Variants in GIGYF2 observed in about 807,000 individuals in gnomAD.
The protein encoded by GIGYF2 is GRB10-interacting GYF protein 2.
In GIGYF2, 25 loss-of-function variants were observed where a neutral mutation model predicts 208.1. That is an observed-to-expected ratio of 0.12 (90% CI 0.09 to 0.17). The LOEUF (loss-of-function observed/expected upper bound fraction) is 0.17. Ranked by LOEUF, GIGYF2 falls within the 10% of genes least tolerant of loss-of-function variation. The pLI is 1.00. For missense variants in GIGYF2, 1,302 were observed against 1,579.4 expected (o/e 0.82, Z 2.98); for synonymous variants, 534 against 543.8 (o/e 0.98, Z 0.25).
At chr2:232,740,401 G>A (rs1316821095) in intron 3 of GIGYF2, among the ~76,000 whole-genome samples, 2 of 152,204 alleles carry the variant, frequency 1.3e-5, no homozygotes, top group East Asian at 1.9e-4. Flanking sequence ...AGCCAAGAAA[G>A]CTCCTTTGGG....
intron 14 of GIGYF2, among the ~76,000 whole-genome samples, chr2:232,804,110 T>G (rs1044266131): frequency 6.6e-6 from 1 of 151,954 alleles, no homozygotes; most frequent in Admixed American, 6.6e-5. Flanking sequence ...TTAAAAAAAT[T>G]TTTTTTTAGC....
chr2:232,816,358 G>A (rs927106335), intron 19 of GIGYF2, among the ~76,000 whole-genome samples: 5 of 152,180 alleles, frequency 3.3e-5, no homozygotes, highest in Non-Finnish European at 7.3e-5. Context: ...CCCTGAGGTC[G>A]TGACAGTCTC....
Position 232,815,756 on chromosome 2 carries a change from T to G in GIGYF2, c.2208+19T>G. ...TGCAAAGGTCTGAAACTCATTCTTC[T>G]GCAACAGTGCATTGTCATCTGGCTG... On this transcript the variant is annotated intron_variant, in intron 19 of 28. Coordinates refer to ENST00000373563, the MANE Select transcript of GIGYF2 (RefSeq NM_001103146.3). 8.4e-7 allele frequency: 1 copy of G among 1,193,250 alleles called. No individual in the cohort carries two copies. The highest frequency in any genetic ancestry group is 1.3e-6 in the Non-Finnish European group (1 of 795,738). The allele number at this position is 1,193,250 out of a possible 1,614,324, so 73.9% of individuals were successfully genotyped here.
intron 21 of GIGYF2, among the ~76,000 whole-genome samples, chr2:232,823,944 C>G (rs1294431764): frequency 1.3e-5 from 2 of 152,152 alleles, no homozygotes; most frequent in African/African-American, 4.8e-5. Flanking sequence ...GTAATTCTTG[C>G]AATGTTTCAG....
chr2:232,793,892 A>T (rs1700143685), intron 12 of GIGYF2, among the ~76,000 whole-genome samples: 1 of 152,192 alleles, frequency 6.6e-6, no homozygotes, highest in Non-Finnish European at 1.5e-5. Flanking sequence ...GACTAGGAAA[A>T]GTCATTGTAT....
At chr2:232,834,685 C>T (rs1416726798) in intron 22 of GIGYF2, among the ~76,000 whole-genome samples, 1 of 152,164 alleles carries the variant, frequency 6.6e-6, no homozygotes, top group African/African-American at 2.4e-5. Context: ...TATGTTGATG[C>T]ACTTCATGCA....
At chr2:232,742,538 G>A (rs1698008788) in intron 3 of GIGYF2, among the ~76,000 whole-genome samples, 1 of 152,118 alleles carries the variant, frequency 6.6e-6, no homozygotes, top group Non-Finnish European at 1.5e-5. Flanking sequence ...GTAACAGAGT[G>A]AGCCTCTGTC....
At chr2:232,704,952 C>T (rs918945218) in intron 2 of GIGYF2, among the ~76,000 whole-genome samples, 14 of 150,196 alleles carry the variant, frequency 9.3e-5, no homozygotes, top group Admixed American at 2.7e-4. Flanking sequence ...CTCCGCCTCC[C>T]GGGTTCACGC....
At chr2:232,807,976 G>A (rs1700611432) in intron 15 of GIGYF2, among the ~76,000 whole-genome samples, 1 of 152,250 alleles carries the variant, frequency 6.6e-6, no homozygotes, top group African/African-American at 2.4e-5. Flanking sequence ...TAGGTTCTTA[G>A]GAGATGAAGA....
chr2:232,788,734 T>A (rs543694479), intron 9 of GIGYF2: 49 of 279,664 alleles, frequency 1.8e-4, no homozygotes, highest in African/African-American at 9.8e-4. Context: ...TTCTGAATCT[T>A]TCTTTCCCCC....
At position 232,860,306 on chromosome 2, in the gene GIGYF2, T is replaced by A. The variant is rs1417695439; in HGVS notation, c.*3446T>A. 6.6e-6 allele frequency: 1 copy of A among 151,918 alleles called. No individual in the cohort carries two copies. 9.4% of individuals were successfully genotyped at this position (151,918 alleles called of 1,614,324 possible). On this transcript the variant is annotated 3_prime_UTR_variant, in exon 29 of 29. Coordinates refer to ENST00000373563, the MANE Select transcript of GIGYF2 (RefSeq NM_001103146.3). ...GCCAGTGCACCCAGCTTGTTTTTTTTAAATTTTAGGATAGATAATGGTACT... is the reference window on the plus strand; with the variant it reads ...GCCAGTGCACCCAGCTTGTTTTTTTAAAATTTTAGGATAGATAATGGTACT...
intron 12 of GIGYF2, 35 bp from the exon 13 acceptor site, chr2:232,794,713 T>G: frequency 6.5e-7 from 1 of 1,543,716 alleles, no homozygotes; most frequent in South Asian, 1.1e-5. Flanking sequence ...AGTCTCTGTA[T>G]TTCAAAGGAT....
In GIGYF2 at chr2:232,772,647, C is replaced by T. The variant is rs78614281; in HGVS notation, c.532+11211C>T. ...TCTTAAGACTTTAGTGTAGCAGTTA[C>T]TAGGAACAGAACAGGAAATGCAGCT... On this transcript the variant is annotated intron_variant, in intron 8 of 28. Transcript: ENST00000373563. Among the ~76,000 whole-genome samples the T allele has an allele frequency of 6.2e-3, 947 of 152,268 alleles. 15 individuals carry two copies. The highest frequency in any genetic ancestry group is 0.021 in the African/African-American group (891 of 41,544).
intron 22 of GIGYF2, among the ~76,000 whole-genome samples, chr2:232,834,575 AT>A (rs1350391957): frequency 6.6e-6 from 1 of 152,120 alleles, no homozygotes; most frequent in African/African-American, 2.4e-5. Flanking sequence ...GGATGTATAG[AT>A]TAATGTTTTT....
intron 2 of GIGYF2, among the ~76,000 whole-genome samples, chr2:232,720,519 G>C (rs867998854): frequency 2.0e-5 from 3 of 151,778 alleles, no homozygotes; most frequent in Non-Finnish European, 2.9e-5. Context: ...CTGCCACACT[G>C]TCTTCCACAA....
intron 21 of GIGYF2, among the ~76,000 whole-genome samples, chr2:232,823,351 TTTCC>T (rs1701152956): frequency 1.4e-5 from 2 of 142,964 alleles, no homozygotes. Context: ...TCTTTCTCTT[TTTCC>T]TTTCTTTCTT....
At chr2:232,772,505 G>A (rs1408276523) in intron 8 of GIGYF2, among the ~76,000 whole-genome samples, 1 of 152,134 alleles carries the variant, frequency 6.6e-6, no homozygotes, top group African/African-American at 2.4e-5. Flanking sequence ...GATAACATTA[G>A]TATAATTAGT....
chr2:232,775,942 C>G (rs1699493674), intron 8 of GIGYF2, among the ~76,000 whole-genome samples: 1 of 152,138 alleles, frequency 6.6e-6, no homozygotes, highest in Non-Finnish European at 1.5e-5. Flanking sequence ...CTCAGAGATT[C>G]TATTTTAATT....
chr2:232,697,874 C>T (rs1177124468), intron 1 of GIGYF2, among the ~76,000 whole-genome samples: 1 of 152,238 alleles, frequency 6.6e-6, no homozygotes, highest in Non-Finnish European at 1.5e-5. Context: ...CCTGTCCACA[C>T]CTGGTCCCTG....
Sources: allele counts gnomAD v4.1 joint callset (sites outside exome capture counted in the v4.1 genomes callset), GRCh38; gene constraint gnomAD v4.1.1; transcripts MANE v1.5; gene names NCBI Gene and HGNC (gene_info 2026-07-23, HGNC 2026-07-21).